The following PPP2R3A variants were observed in gnomAD, a reference collection of about 807,000 sequenced individuals.
The protein encoded by PPP2R3A is protein phosphatase 2 regulatory subunit B''alpha.
Under a neutral mutation model 106.9 loss-of-function variants are expected in PPP2R3A, and 80 were observed. The observed-to-expected ratio is 0.75, with a 90% CI of 0.62 to 0.90. The LOEUF (loss-of-function observed/expected upper bound fraction) is 0.90, where lower values mean the gene tolerates loss of function less well. Ranked by LOEUF, PPP2R3A falls within the 40% of genes least tolerant of loss-of-function variation. The pLI, the probability that PPP2R3A is intolerant of heterozygous loss-of-function variation, is 0.00. For synonymous variants in PPP2R3A, 483 were observed against 468.3 expected, an observed-to-expected ratio of 1.03 and a Z score of -0.41; for missense variants, 1,386 against 1,350.4, an observed-to-expected ratio of 1.03 and a Z score of -0.41.
intron 13 of PPP2R3A, among the ~76,000 whole-genome samples, chr3:136,119,906 T>TA (rs980516723): frequency 6.6e-6 from 1 of 152,114 alleles, no homozygotes; most frequent in African/African-American, 2.4e-5. Context: ...CATGCACACA[T>TA]ACGTTTATTG....
intron 3 of PPP2R3A, among the ~76,000 whole-genome samples, chr3:136,038,598 CT>C (rs1935160016): frequency 6.6e-6 from 1 of 152,166 alleles, no homozygotes; most frequent in Middle Eastern, 3.2e-3. Context: ...GTTTGAAGCA[CT>C]TTGGTAAGCC....
chr3:136,027,139 AG>A (rs757796025), intron 3 of PPP2R3A, 41 bp downstream of exon 3: 25 of 1,543,708 alleles, frequency 1.6e-5, no homozygotes, highest in Non-Finnish European at 2.2e-5. Context: ...CCCCTTCTTT[AG>A]AAACCCTGAT....
intron 1 of PPP2R3A, among the ~76,000 whole-genome samples, chr3:135,973,055 A>AAT (rs1311502964): frequency 6.6e-6 from 1 of 152,146 alleles, no homozygotes. Flanking sequence ...TTCTTCTGGC[A>AAT]ATATATAGTT....
chr3:136,086,835 A>G (rs2107938337), intron 8 of PPP2R3A, among the ~76,000 whole-genome samples: 1 of 152,292 alleles, frequency 6.6e-6, no homozygotes, highest in Middle Eastern at 3.4e-3. Context: ...TTCGATGCTG[A>G]TAGCTGCTAA....
chr3:136,076,327 AT>A (rs1407653779), intron 6 of PPP2R3A, among the ~76,000 whole-genome samples: 1 of 152,142 alleles, frequency 6.6e-6, no homozygotes, highest in Non-Finnish European at 1.5e-5. Context: ...CTCTAGTCTT[AT>A]TTTTTCTCAA....
At chr3:136,093,635 A>G (rs778829990) in intron 10 of PPP2R3A, among the ~76,000 whole-genome samples, 2 of 152,206 alleles carry the variant, frequency 1.3e-5, no homozygotes, top group Non-Finnish European at 2.9e-5. Flanking sequence ...TGCATGGCCA[A>G]TAAGCACATG....
intron 10 of PPP2R3A, 113 bp downstream of exon 10, chr3:136,090,780 G>T: frequency 2.7e-6 from 2 of 750,242 alleles, no homozygotes; most frequent in Non-Finnish European, 4.4e-6. Flanking sequence ...ATACTAAGAT[G>T]AATTAGACTT....
chr3:136,079,059 GTTTTAT>G (rs1936693102), intron 7 of PPP2R3A: 1 of 342,024 alleles, frequency 2.9e-6, no homozygotes, highest in Admixed American at 3.5e-5. Context: ...AAAATGAAAT[GTTTTAT>G]TTTTAAGAAT....
chr3:136,125,766 A>G lies in PPP2R3A; in HGVS notation c.3330-19277A>G, dbSNP rs192719662. Reference sequence around the variant, plus strand: ...ATAAAATATTAACATATCAAATCCAATGACATAAAAAAGATTATATACCAT... The same window carrying G: ...ATAAAATATTAACATATCAAATCCAGTGACATAAAAAAGATTATATACCAT... On this transcript the variant is annotated intron_variant, in intron 13 of 13. Transcript: ENST00000264977. Among the ~76,000 whole-genome samples the G allele has an allele frequency of 2.0e-5, 3 of 152,318 alleles. No homozygotes were observed. The East Asian group carries it at 5.8e-4, about 29-fold the overall frequency.
At chr3:136,055,947 G>T (rs978618776) in intron 5 of PPP2R3A, among the ~76,000 whole-genome samples, 1 of 152,160 alleles carries the variant, frequency 6.6e-6, no homozygotes, top group Non-Finnish European at 1.5e-5. Context: ...ACTTTACAGT[G>T]GAGGAGCCTG....
chr3:136,059,489 A>C (rs1010737788), intron 5 of PPP2R3A, among the ~76,000 whole-genome samples: 1 of 152,172 alleles, frequency 6.6e-6, no homozygotes, highest in Non-Finnish European at 1.5e-5. Context: ...AGATACCGGC[A>C]AGGTTGTGAA....
chr3:136,078,282 C>T (rs940054326), intron 6 of PPP2R3A, 85 bp from the exon 7 acceptor site: 1 of 892,798 alleles, frequency 1.1e-6, no homozygotes, highest in Admixed American at 2.2e-5. Context: ...TAAATTGGTC[C>T]CAAGTATGTT....
At chr3:136,118,629 A>T (rs892203722) in intron 13 of PPP2R3A, among the ~76,000 whole-genome samples, 1 of 152,170 alleles carries the variant, frequency 6.6e-6, no homozygotes, top group Non-Finnish European at 1.5e-5. Flanking sequence ...CATTCACAAT[A>T]GCTTCAAAGA....
rs926471747 is a variant in PPP2R3A, at chr3:136,147,172, G to C, written c.*2006G>C. On this transcript the variant is annotated 3_prime_UTR_variant, in exon 14 of 14. Coordinates refer to ENST00000264977, the MANE Select transcript of PPP2R3A (RefSeq NM_002718.5). Reference sequence around the variant, plus strand: ...CACTTGAGCCCAGGAGTAAAGACCAGCCTGGGCAACATAGTGAGACTCCGT... The same window carrying C: ...CACTTGAGCCCAGGAGTAAAGACCACCCTGGGCAACATAGTGAGACTCCGT... The C allele has an allele frequency of 2.0e-5, 3 of 152,172 alleles. No individual in the cohort carries two copies. The highest frequency in any genetic ancestry group is 7.2e-5 in the African/African-American group (3 of 41,402). The allele number at this position is 152,172 out of a possible 1,614,324, so 9.4% of individuals were successfully genotyped here.
At chr3:136,027,172 C>G in intron 3 of PPP2R3A, 74 bp downstream of exon 3, 2 of 1,338,268 alleles carry the variant, frequency 1.5e-6, no homozygotes, top group Non-Finnish European at 2.0e-6. Context: ...CTCTAGAAAC[C>G]CGGATCCCAC....
chr3:136,071,131 C>T (rs1936417376), intron 6 of PPP2R3A, among the ~76,000 whole-genome samples: 1 of 152,234 alleles, frequency 6.6e-6, no homozygotes, highest in Admixed American at 6.5e-5. Flanking sequence ...CCATTTCATG[C>T]ACTCTGCTCT....
chr3:136,056,654 G>A (rs920296455), intron 5 of PPP2R3A, among the ~76,000 whole-genome samples: 4 of 151,934 alleles, frequency 2.6e-5, no homozygotes, highest in Non-Finnish European at 2.9e-5. Context: ...GTAAGGCTGC[G>A]TGACACTCGT....
intron 4 of PPP2R3A, among the ~76,000 whole-genome samples, chr3:136,044,088 A>G (rs1935387844): frequency 6.6e-6 from 1 of 152,102 alleles, no homozygotes. Context: ...CTGTTTTTCT[A>G]TTGTGATCAT....
intron 2 of PPP2R3A, among the ~76,000 whole-genome samples, chr3:136,010,032 C>T (rs772225801): frequency 2.6e-5 from 4 of 152,080 alleles, no homozygotes; most frequent in African/African-American, 9.7e-5. Flanking sequence ...ATTCACTTTC[C>T]ACTCTGCAGG....
Sources: allele counts gnomAD v4.1 joint callset (sites outside exome capture counted in the v4.1 genomes callset), GRCh38; gene constraint gnomAD v4.1.1; transcripts MANE v1.5; gene names NCBI Gene and HGNC (gene_info 2026-07-23, HGNC 2026-07-21).